The following PPP2CA variants were observed in gnomAD, a reference collection of about 807,000 sequenced individuals.
PPP2CA encodes protein phosphatase 2 catalytic subunit alpha.
PPP2CA carries 5 observed loss-of-function variants against 38.8 expected under a neutral mutation model. The observed-to-expected ratio is 0.13, with a 90% CI of 0.07 to 0.27. PPP2CA has a LOEUF of 0.27. Among genes scored for constraint, PPP2CA ranks in the 10% least tolerant of loss-of-function variants. The pLI is 1.00. For missense variants in PPP2CA, 88 were observed against 389.7 expected (o/e 0.23, Z 6.52); for synonymous variants, 152 against 134.0 (o/e 1.13, Z -0.93).
intron 1 of PPP2CA, among the ~76,000 whole-genome samples, chr5:134,212,998 G>A (rs1185762700): frequency 1.3e-5 from 2 of 152,208 alleles, no homozygotes; most frequent in Non-Finnish European, 2.9e-5. Flanking sequence ...AAAAGGGCAA[G>A]ATAAGGCATC....
chr5:134,221,624 GA>G (rs1762444579), intron 1 of PPP2CA, among the ~76,000 whole-genome samples: 1 of 152,022 alleles, frequency 6.6e-6, no homozygotes, highest in Non-Finnish European at 1.5e-5. Flanking sequence ...CCAAGACAAA[GA>G]GGAACAACAG....
At chr5:134,197,936 T>TTCC (rs1014328470) in intron 6 of PPP2CA, 92 bp from the exon 7 acceptor site, 1 of 1,052,832 alleles carries the variant, frequency 9.5e-7, no homozygotes, top group Non-Finnish European at 1.5e-6. Flanking sequence ...AACTTTACAC[T>TTCC]TCCTATTCAA....
chr5:134,225,331 T>C (rs1247625157), intron 1 of PPP2CA: 1 of 165,642 alleles, frequency 6.0e-6, no homozygotes, highest in East Asian at 1.8e-4. Flanking sequence ...GGGGATCCTC[T>C]GGGCAGCTCT....
chr5:134,199,388 C>A, intron 5 of PPP2CA, 184 bp from the exon 6 acceptor site: 9 of 381,382 alleles, frequency 2.4e-5, no homozygotes, highest in Middle Eastern at 6.0e-4. Flanking sequence ...GTAAGGTACA[C>A]ATGTATTTAT....
intron 1 of PPP2CA, among the ~76,000 whole-genome samples, chr5:134,212,442 T>C (rs1324183998): frequency 1.3e-5 from 2 of 152,180 alleles, no homozygotes; most frequent in African/African-American, 4.8e-5. Context: ...GACAATGAAC[T>C]TAATAAATGT....
chr5:134,208,508 T>C (rs1387893310), intron 1 of PPP2CA, among the ~76,000 whole-genome samples: 1 of 150,596 alleles, frequency 6.6e-6, no homozygotes, highest in African/African-American at 2.5e-5. Flanking sequence ...CCCACCCCCT[T>C]TGGGCAAAGT....
intron 1 of PPP2CA, among the ~76,000 whole-genome samples, chr5:134,220,701 C>G (rs2149388608): frequency 6.6e-6 from 1 of 152,268 alleles, no homozygotes; most frequent in South Asian, 2.1e-4. Flanking sequence ...CTTAGTTTTC[C>G]TAACTTACCC....
rs1762077834 is a variant in PPP2CA, at chr5:134,206,137, G to A, written c.103-6C>T. ...TTTGTCAGGATTTCTTTAGCCTACA[G>A]ATGGGAGACAAAAATAAGGCAATAC... On this transcript the variant is annotated splice_polypyrimidine_tract_variant and splice_region_variant and intron_variant, in intron 1 of 6. Transcript: ENST00000481195. The A allele has an allele frequency of 1.9e-6, 3 of 1,606,028 alleles. No individual in the cohort carries two copies. Among genetic ancestry groups the A allele is most frequent in the Non-Finnish European group, 2.6e-6 (3 of 1,173,064 alleles).
chr5:134,215,683 C>A (rs1015734432), intron 1 of PPP2CA, among the ~76,000 whole-genome samples: 6 of 152,208 alleles, frequency 3.9e-5, no homozygotes, highest in African/African-American at 7.2e-5. Flanking sequence ...AAGATATCCT[C>A]CTGCCCTGGC....
intron 1 of PPP2CA, among the ~76,000 whole-genome samples, chr5:134,210,184 G>C (rs1340770429): frequency 6.6e-6 from 1 of 151,980 alleles, no homozygotes; most frequent in African/African-American, 2.4e-5. Context: ...AATCCTGAAA[G>C]CACCTAATAA....
At chr5:134,200,279 C>A in intron 5 of PPP2CA, 56 bp downstream of exon 5, 2 of 1,522,128 alleles carry the variant, frequency 1.3e-6, no homozygotes, top group Non-Finnish European at 1.8e-6. Context: ...TCCCTAATAT[C>A]TTCTTTCCTT....
rs1761860813 is a variant in PPP2CA at position 134,196,799 on chromosome 5, A to C, written c.*973T>G. On this transcript the variant is annotated 3_prime_UTR_variant, in exon 7 of 7. Transcript: ENST00000481195. ...CTTAAATCTCAAGTTATATGGTTTT[A>C]CAATTAAGTCTTACTGAAGCAGCAC... 1 of 152,344 alleles carries C rather than the reference A, an allele frequency of 6.6e-6. No homozygotes were observed. Among genetic ancestry groups the C allele is most frequent in the Admixed American group, 6.5e-5 (1 of 15,282 alleles). The allele number at this position is 152,344 out of a possible 1,614,324, so 9.4% of individuals were successfully genotyped here. A position where few individuals can be genotyped will look rare whatever the true frequency, so the allele number is the denominator to read the frequency against.
At chr5:134,215,863 T>G (rs149207539) in intron 1 of PPP2CA, among the ~76,000 whole-genome samples, 3 of 152,174 alleles carry the variant, frequency 2.0e-5, no homozygotes, top group Non-Finnish European at 2.9e-5. Flanking sequence ...AGAGAAAAGA[T>G]GAGACTGAGA....
rs187116701 is a variant in PPP2CA, at chr5:134,217,610, T to C, written c.102+8150A>G. On this transcript the variant is annotated intron_variant, in intron 1 of 6. Transcript: ENST00000481195. Reference sequence around the variant, plus strand: ...TTGGTTTGATATGTCATTTTGATAATTGTGCAAAAAAATCCAAGGTTTGTG... The same window carrying C: ...TTGGTTTGATATGTCATTTTGATAACTGTGCAAAAAAATCCAAGGTTTGTG... 7.7e-4 allele frequency among the ~76,000 whole-genome samples: 118 copies of C among 152,312 alleles called. 1 individual carries two copies. The highest frequency in any genetic ancestry group is 3.4e-3 in the Middle Eastern group (1 of 294).
intron 1 of PPP2CA, among the ~76,000 whole-genome samples, chr5:134,217,659 G>A (rs1447954944): frequency 6.6e-6 from 1 of 152,236 alleles, no homozygotes; most frequent in Non-Finnish European, 1.5e-5. Flanking sequence ...CAGGGCTAGA[G>A]TTTGAGGCGT....
intron 4 of PPP2CA, 55 bp downstream of exon 4, chr5:134,200,930 C>A: frequency 2.9e-6 from 4 of 1,390,200 alleles, no homozygotes. Flanking sequence ...TACAATTAAA[C>A]TTCTCCACTC....
chr5:134,202,204 C>A (rs1761982244), intron 2 of PPP2CA, 183 bp from the exon 3 acceptor site: 2 of 522,092 alleles, frequency 3.8e-6, no homozygotes, highest in Non-Finnish European at 6.5e-6. Flanking sequence ...GGGTGTTTGC[C>A]CACCTCATCT....
At chr5:134,198,438 G>C (rs1305970526) in intron 6 of PPP2CA, among the ~76,000 whole-genome samples, 1 of 151,740 alleles carries the variant, frequency 6.6e-6, no homozygotes, top group African/African-American at 2.4e-5. Flanking sequence ...GGTTTTAAAA[G>C]TGAAAAACCT....
At chr5:134,213,867 C>T (rs254047) in intron 1 of PPP2CA, among the ~76,000 whole-genome samples, 3,862 of 152,288 alleles carry the variant, frequency 0.025, 119 homozygotes, top group African/African-American at 0.067. Flanking sequence ...CAGTGGCTCA[C>T]GCCTGTAATT....
Sources: gnomAD v4.1 joint callset for allele counts (sites outside exome capture counted in the v4.1 genomes callset) on GRCh38, gnomAD v4.1.1 for gene constraint, MANE v1.5 for transcripts, NCBI Gene and HGNC (gene_info 2026-07-23, HGNC 2026-07-21) for gene names.